The following MAGI1 variants were observed in gnomAD, a reference collection of about 807,000 sequenced individuals.
The protein encoded by MAGI1 is membrane-associated guanylate kinase, WW and PDZ domain-containing protein 1.
Under a neutral mutation model 139.9 loss-of-function variants are expected in MAGI1, and 58 were observed. The observed-to-expected ratio is 0.41, with a 90% confidence interval of 0.34 to 0.52. The LOEUF is 0.52. MAGI1 is among the 20% of genes least tolerant of loss of function. MAGI1 has a pLI of 0.12. For missense variants in MAGI1, 1,874 were observed against 1,901.6 expected, an observed-to-expected ratio of 0.99 and a Z score of 0.27; for synonymous variants, 812 against 737.9, an observed-to-expected ratio of 1.10 and a Z score of -1.63.
intron 2 of MAGI1, among the ~76,000 whole-genome samples, chr3:65,542,827 G>C (rs2079305164): frequency 6.6e-6 from 1 of 152,120 alleles, no homozygotes; most frequent in Non-Finnish European, 1.5e-5. Context: ...ATATCATTCA[G>C]GACATAAGCA....
intron 1 of MAGI1, among the ~76,000 whole-genome samples, chr3:65,680,286 T>C (rs1354846635): frequency 6.6e-6 from 1 of 152,156 alleles, no homozygotes; most frequent in Admixed American, 6.5e-5. Flanking sequence ...TACGGCACCA[T>C]CTCTGGCAGG....
At chr3:65,808,248 T>C (rs200235554) in intron 1 of MAGI1, among the ~76,000 whole-genome samples, 1 of 152,090 alleles carries the variant, frequency 6.6e-6, no homozygotes, top group African/African-American at 2.4e-5. Context: ...GCCTCCCAAA[T>C]TGCTGGGATT....
intron 2 of MAGI1, among the ~76,000 whole-genome samples, chr3:65,587,483 T>TC (rs1459811878): frequency 8.1e-6 from 1 of 123,234 alleles, no homozygotes; most frequent in African/African-American, 3.0e-5. Context: ...TTTTTTCTTT[T>TC]TTTTTTTTTT....
intron 17 of MAGI1, among the ~76,000 whole-genome samples, chr3:65,377,583 A>C (rs1436725452): frequency 6.6e-6 from 1 of 152,250 alleles, no homozygotes; most frequent in Non-Finnish European, 1.5e-5. Context: ...ACGTCACAGG[A>C]TGCATGGAGA....
intron 1 of MAGI1, chr3:66,004,055 A>C (rs1004677624): frequency 2.0e-5 from 3 of 152,190 alleles, no homozygotes; most frequent in East Asian, 3.8e-4. Flanking sequence ...AGACTATCTA[A>C]AACAATTCAG....
chr3:65,854,619 C>T (rs1346926191), intron 1 of MAGI1, among the ~76,000 whole-genome samples: 1 of 152,238 alleles, frequency 6.6e-6, no homozygotes, highest in Admixed American at 6.5e-5. Context: ...CTTACAAATA[C>T]TACTCAAGGA....
At chr3:65,654,355 C>T (rs778423068) in intron 1 of MAGI1, among the ~76,000 whole-genome samples, 27 of 152,054 alleles carry the variant, frequency 1.8e-4, no homozygotes, top group Non-Finnish European at 2.1e-4. Context: ...AAACTGAGGG[C>T]GTAAAAATGT....
chr3:65,723,908 A>T (rs181948927), intron 1 of MAGI1, among the ~76,000 whole-genome samples: 28 of 152,320 alleles, frequency 1.8e-4, no homozygotes, highest in African/African-American at 6.3e-4. Flanking sequence ...TTGTGTGGAA[A>T]TTAGCATGTT....
intron 1 of MAGI1, among the ~76,000 whole-genome samples, chr3:65,938,071 C>T (rs2063147644): frequency 6.6e-6 from 1 of 151,908 alleles, no homozygotes; most frequent in Non-Finnish European, 1.5e-5. Context: ...ATCACTCTTC[C>T]TATCAAATCC....
rs778249005 is a variant in MAGI1, at chr3:65,363,611, A to G, written c.3352-3T>C. ...TCCACAGTGTAAAAATCTTGCTCCT[A>G]TTTAAAGAAATTAAATGCAATCATT... is the stretch of plus-strand genomic sequence containing the variant. On this transcript the variant is annotated splice_polypyrimidine_tract_variant and splice_region_variant and intron_variant, in intron 20 of 22. Coordinates refer to ENST00000402939, the MANE Select transcript of MAGI1 (RefSeq NM_001033057.2). 1.2e-6 allele frequency: 2 copies of G among 1,611,584 alleles called. No homozygotes were observed. The highest frequency in any genetic ancestry group is 1.7e-5 in the Admixed American group (1 of 59,536).
intron 1 of MAGI1, among the ~76,000 whole-genome samples, chr3:66,028,537 C>T (rs1413615977): frequency 1.3e-5 from 2 of 152,098 alleles, no homozygotes. Context: ...CTTCCCCAGC[C>T]ATTCCTGATG....
chr3:65,413,778 C>T (rs749821128), intron 12 of MAGI1, among the ~76,000 whole-genome samples: 4 of 152,114 alleles, frequency 2.6e-5, no homozygotes, highest in Non-Finnish European at 5.9e-5. Context: ...CCCACATACA[C>T]CCCAACCCAC....
intron 1 of MAGI1, among the ~76,000 whole-genome samples, chr3:65,710,933 C>T (rs1341428961): frequency 6.6e-6 from 1 of 152,154 alleles, no homozygotes; most frequent in African/African-American, 2.4e-5. Context: ...GCTTACCGTC[C>T]TTGTTCTGTC....
At chr3:65,483,420 A>C (rs1951414624) in intron 3 of MAGI1, among the ~76,000 whole-genome samples, 1 of 152,218 alleles carries the variant, frequency 6.6e-6, no homozygotes, top group Non-Finnish European at 1.5e-5. Flanking sequence ...TTGCACTCTC[A>C]TCACAATCAA....
rs1345196335 is a variant in MAGI1 at position 65,851,115 on chromosome 3, A to C, written c.313+186881T>G. On this transcript the variant is annotated intron_variant, in intron 1 of 22. Transcript: ENST00000402939. ...GAGCGAGACTTCATCTGGAGAAAAA[A>C]AAAATGCCTCATTAGAAGGCAGGGA... Among the ~76,000 whole-genome samples, 4 of 152,104 alleles carry C rather than the reference A, an allele frequency of 2.6e-5. No homozygotes were observed. In the South Asian group the frequency reaches 6.2e-4, roughly 24 times the overall value.
intron 21 of MAGI1, 87 bp from the exon 22 acceptor site, chr3:65,361,424 T>C (rs987323831): frequency 1.4e-6 from 2 of 1,382,688 alleles, no homozygotes; most frequent in African/African-American, 2.8e-5. Flanking sequence ...AGAACATCTA[T>C]TGCTTTGGAG....
chr3:65,718,311 G>A (rs2032531913), intron 1 of MAGI1, among the ~76,000 whole-genome samples: 1 of 151,884 alleles, frequency 6.6e-6, no homozygotes, highest in Non-Finnish European at 1.5e-5. Flanking sequence ...CTAAGATGAT[G>A]AAAAAAAGGA....
chr3:65,730,912 T>C (rs915888690), intron 1 of MAGI1, among the ~76,000 whole-genome samples: 6 of 82,684 alleles, frequency 7.3e-5, no homozygotes, highest in African/African-American at 4.1e-4. Flanking sequence ...GGGTTTTTGT[T>C]TTTTTTTTTC....
intron 1 of MAGI1, among the ~76,000 whole-genome samples, chr3:65,886,256 T>C (rs1372696907): frequency 6.6e-6 from 1 of 152,174 alleles, no homozygotes; most frequent in African/African-American, 2.4e-5. Context: ...TTAGCAAGAT[T>C]ATATGTTGTA....
Sources: gnomAD v4.1 joint callset for allele counts (sites outside exome capture counted in the v4.1 genomes callset) on GRCh38, gnomAD v4.1.1 for gene constraint, MANE v1.5 for transcripts, NCBI Gene and HGNC (gene_info 2026-07-23, HGNC 2026-07-21) for gene names.